Variants in GABBR2 observed in about 807,000 individuals in gnomAD.
GABBR2 encodes the protein G-protein coupled receptor 51.
A neutral mutation model predicts 105.6 loss-of-function variants in GABBR2; 23 were observed. The observed-to-expected ratio is 0.22, with a 90% CI of 0.16 to 0.31. GABBR2 has a LOEUF of 0.31. GABBR2 is among the 10% of genes least tolerant of loss of function. The pLI, the probability that GABBR2 is intolerant of heterozygous loss-of-function variation, is 1.00. For missense variants in GABBR2, 734 were observed against 1,245.5 expected, an observed-to-expected ratio of 0.59 and a Z score of 6.18; for synonymous variants, 478 against 499.7, an observed-to-expected ratio of 0.96 and a Z score of 0.58.
chr9:98,670,972 G>A (rs1267711882), intron 1 of GABBR2, among the ~76,000 whole-genome samples: 1 of 152,118 alleles, frequency 6.6e-6, no homozygotes, highest in African/African-American at 2.4e-5. Context: ...ACTTAAAATG[G>A]CTAAGAAGGT....
intron 7 of GABBR2, among the ~76,000 whole-genome samples, chr9:98,408,464 C>T (rs1386692086): frequency 1.3e-5 from 2 of 152,110 alleles, no homozygotes; most frequent in Non-Finnish European, 2.9e-5. Context: ...CTAAGTATTG[C>T]CGACTGGATA....
Position 98,454,457 on chromosome 9 carries a change from G to C in GABBR2, c.1000-240C>G, listed in dbSNP as rs1826291270. On this transcript the variant is annotated intron_variant, in intron 6 of 18. Transcript: ENST00000259455. The surrounding 1 kb of genome is among the most constrained non-coding windows in gnomAD (Gnocchi z 4.6). ...CAACTTGCTTAGTTCCACAAAGCTAGTGAGTGACAAGACTGAGATTTAAAC... is the reference window on the plus strand; with the variant it reads ...CAACTTGCTTAGTTCCACAAAGCTACTGAGTGACAAGACTGAGATTTAAAC... 6.6e-6 allele frequency among the ~76,000 whole-genome samples: 1 copy of C among 152,136 alleles called. No individual in the cohort carries two copies.
Position 98,604,197 on chromosome 9 carries a change from G to T in GABBR2, c.322-26125C>A, listed in dbSNP as rs530348143. Among the ~76,000 whole-genome samples, 4 of 152,298 alleles carry T rather than the reference G, an allele frequency of 2.6e-5. No individual in the cohort carries two copies. The East Asian group carries it at 7.7e-4, about 29-fold the overall frequency. On this transcript the variant is annotated intron_variant, in intron 1 of 18. Transcript: ENST00000259455. ...TGCTCCATTTTTAATACACATCCCTGATGATCCGGGTACACACTAAAGTTT... is the reference window on the plus strand; with the variant it reads ...TGCTCCATTTTTAATACACATCCCTTATGATCCGGGTACACACTAAAGTTT...
At chr9:98,331,346 T>G (rs1831020783) in intron 13 of GABBR2, among the ~76,000 whole-genome samples, 1 of 152,228 alleles carries the variant, frequency 6.6e-6, no homozygotes, top group African/African-American at 2.4e-5. Context: ...TCTGTTTTCT[T>G]TATCCAAATC....
intron 2 of GABBR2, among the ~76,000 whole-genome samples, chr9:98,576,067 C>A (rs533858422): frequency 6.6e-6 from 1 of 152,242 alleles, no homozygotes; most frequent in South Asian, 2.1e-4. Context: ...CCCCACCTCT[C>A]TTTCATCACA....
Position 98,454,029 on chromosome 9 carries a change from G to T in GABBR2, c.1188C>A (p.Gly396=). 1 of 1,614,200 alleles carries T rather than the reference G, an allele frequency of 6.2e-7. No individual in the cohort carries two copies. The highest frequency in any genetic ancestry group is 8.5e-7 in the Non-Finnish European group (1 of 1,180,014). The change falls in exon 7 of 19, where the codon GGC becomes GGA. Residue 396 remains glycine (G), a synonymous_variant. Transcript: ENST00000259455. The surrounding 1 kb of genome is among the most constrained non-coding windows in gnomAD (Gnocchi z 4.6). ...CGTTCATGGCATTGAGGATGATCCT[G>T]CCCAGCGTGTGGTCCGTGTAGTTGA... ...QDFNYTDHTL[G]RIILNAMNET...
chr9:98,325,129 C>T (rs1830898654), intron 13 of GABBR2, among the ~76,000 whole-genome samples: 1 of 152,104 alleles, frequency 6.6e-6, no homozygotes, highest in Non-Finnish European at 1.5e-5. Context: ...CACTCACTAC[C>T]TCCTAAGGAA....
At chr9:98,377,805 G>A (rs995278909) in intron 11 of GABBR2, among the ~76,000 whole-genome samples, 15 of 152,058 alleles carry the variant, frequency 9.9e-5, no homozygotes, top group African/African-American at 2.7e-4. Flanking sequence ...GTCATCAAGC[G>A]GGCATCTGTA....
intron 13 of GABBR2, among the ~76,000 whole-genome samples, chr9:98,317,026 G>T (rs906109625): frequency 1.3e-5 from 2 of 152,180 alleles, no homozygotes; most frequent in Non-Finnish European, 1.5e-5. Context: ...GGGTGTAACC[G>T]GCTCTATAAA....
intron 1 of GABBR2, among the ~76,000 whole-genome samples, chr9:98,620,449 T>C (rs1829653673): frequency 6.6e-6 from 1 of 152,190 alleles, no homozygotes; most frequent in African/African-American, 2.4e-5. Flanking sequence ...ACTTTAAATT[T>C]CCCAGTTGTT....
chr9:98,331,396 C>CTT (rs142735341), intron 13 of GABBR2, among the ~76,000 whole-genome samples: 3,897 of 75,778 alleles, frequency 0.051, 175 homozygotes, highest in African/African-American at 0.13. Context: ...AGTCCCTCTT[C>CTT]TTTTTTTTTT....
intron 7 of GABBR2, among the ~76,000 whole-genome samples, chr9:98,422,226 TTAGAAATTA>T (rs1312490518): frequency 6.6e-6 from 1 of 152,146 alleles, no homozygotes; most frequent in Admixed American, 6.5e-5. Context: ...CTTAATATCA[TTAGAAATTA>T]GAGAAAATTA....
At chr9:98,366,904 T>C (rs1407377762) in intron 12 of GABBR2, among the ~76,000 whole-genome samples, 3 of 152,170 alleles carry the variant, frequency 2.0e-5, no homozygotes, top group Non-Finnish European at 1.5e-5. Context: ...GAACAGAAGG[T>C]GTCATCTCTA....
intron 13 of GABBR2, among the ~76,000 whole-genome samples, chr9:98,337,829 T>C (rs1216799539): frequency 6.6e-6 from 1 of 152,082 alleles, no homozygotes; most frequent in Non-Finnish European, 1.5e-5. Context: ...GAGACCAGGC[T>C]GGCCAAGAGC....
chr9:98,379,106 C>T (rs1588130501), intron 11 of GABBR2, among the ~76,000 whole-genome samples: 1 of 152,320 alleles, frequency 6.6e-6, no homozygotes, highest in Middle Eastern at 3.4e-3. Flanking sequence ...AAGCCCCTTT[C>T]AGCACTCAAG....
intron 2 of GABBR2, among the ~76,000 whole-genome samples, chr9:98,546,149 T>C (rs577266573): frequency 6.6e-6 from 1 of 152,358 alleles, no homozygotes; most frequent in African/African-American, 2.4e-5. Context: ...TATTATACAA[T>C]CAACTTCTGT....
chr9:98,404,451 G>C (rs983184003), intron 8 of GABBR2, among the ~76,000 whole-genome samples: 1 of 152,180 alleles, frequency 6.6e-6, no homozygotes, highest in Non-Finnish European at 1.5e-5. Context: ...GGATTTGTCT[G>C]AATGAATCTG....
intron 1 of GABBR2, among the ~76,000 whole-genome samples, chr9:98,628,778 T>C (rs1434783008): frequency 1.3e-5 from 2 of 152,166 alleles, no homozygotes; most frequent in Non-Finnish European, 2.9e-5. Context: ...GTTTGCTATA[T>C]GATGGAGTGT....
chr9:98,508,776 C>T (rs1286780937), intron 3 of GABBR2, among the ~76,000 whole-genome samples: 4 of 130,194 alleles, frequency 3.1e-5, no homozygotes, highest in Non-Finnish European at 6.9e-5. Context: ...GCAGGAAACT[C>T]CAACTGGGTG....
Sources: gnomAD v4.1 joint callset for allele counts (sites outside exome capture counted in the v4.1 genomes callset) on GRCh38, gnomAD v4.1.1 for gene constraint, Gnocchi (gnomAD v3.1) non-coding constraint, MANE v1.5 for transcripts, NCBI Gene and HGNC (gene_info 2026-07-23, HGNC 2026-07-21) for gene names.